Variants in ACCSL observed in about 807,000 individuals in gnomAD.
The protein encoded by ACCSL is 1-aminocyclopropane-1-carboxylate synthase homolog (inactive) like.
Under a neutral mutation model 61.7 loss-of-function variants are expected in ACCSL, and 55 were observed. The ratio of observed to expected loss-of-function variants is 0.89; its 90% CI spans 0.72 to 1.12. The LOEUF is 1.12. Ranked by LOEUF, ACCSL falls within the 50% of genes most tolerant of loss-of-function variation. The pLI is 0.00. For missense variants in ACCSL, 632 were observed against 698.0 expected, an observed-to-expected ratio of 0.91 and a Z score of 1.07; for synonymous variants, 258 against 264.3, an observed-to-expected ratio of 0.98 and a Z score of 0.23.
At chr11:44,053,533 G>A in intron 8 of ACCSL, 27 bp downstream of exon 8, 1 of 1,584,844 alleles carries the variant, frequency 6.3e-7, no homozygotes. Context: ...TTGAGACTAG[G>A]TAATGTTTCT....
the ACCSL span, among the ~76,000 whole-genome samples, chr11:44,012,794 G>A: frequency 1.3e-5 from 2 of 152,092 alleles, no homozygotes; most frequent in African/African-American, 2.4e-5. Flanking sequence ...ATAAGGAAAC[G>A]GCCTAATACA....
chr11:44,039,341 A>T, the ACCSL span, among the ~76,000 whole-genome samples: 1 of 152,152 alleles, frequency 6.6e-6, no homozygotes, highest in Non-Finnish European at 1.5e-5. Flanking sequence ...GAATGAATTA[A>T]TGGCAATCAC....
At chr11:43,938,937 AG>A in the ACCSL span, among the ~76,000 whole-genome samples, 1 of 152,250 alleles carries the variant, frequency 6.6e-6, no homozygotes, top group Non-Finnish European at 1.5e-5. Context: ...GTTTGGCCTA[AG>A]AGACAGGCTT....
chr11:43,983,908 G>C, the ACCSL span, among the ~76,000 whole-genome samples: 1 of 152,156 alleles, frequency 6.6e-6, no homozygotes, highest in African/African-American at 2.4e-5. Flanking sequence ...TTGAGGTCAG[G>C]AGTTCAAGAC....
At chr11:43,924,294 G>A in the ACCSL span, among the ~76,000 whole-genome samples, 6 of 152,256 alleles carry the variant, frequency 3.9e-5, no homozygotes, top group Non-Finnish European at 7.3e-5. Flanking sequence ...TAGCCCAGCC[G>A]TGCCTGCTGC....
At chr11:44,015,019 A>G in the ACCSL span, among the ~76,000 whole-genome samples, 1 of 152,202 alleles carries the variant, frequency 6.6e-6, no homozygotes, top group African/African-American at 2.4e-5. Flanking sequence ...CCAGGAGCCA[A>G]TGGCACTGTC....
chr11:43,930,231 G>A, the ACCSL span, among the ~76,000 whole-genome samples: 1 of 152,172 alleles, frequency 6.6e-6, no homozygotes, highest in African/African-American at 2.4e-5. Context: ...CCTGTGTCCT[G>A]GCATAGAACA....
In ACCSL at chr11:44,048,134, C is replaced by T. The variant is rs377118963; in HGVS notation, c.98C>T (p.Thr33Met). ...HSIYTQLLEITLHLQQAMTEH... is the reference protein window; with the variant it reads ...HSIYTQLLEIMLHLQQAMTEH... Reference sequence around the variant, plus strand: ...ATCTATACCCAGCTGTTGGAGATAACGCTGCACTTGCAGCAGGCCATGACG... The same window carrying T: ...ATCTATACCCAGCTGTTGGAGATAATGCTGCACTTGCAGCAGGCCATGACG... The change falls in exon 1 of 14, where the codon ACG (threonine) becomes ATG (methionine). Residue 33 changes from threonine to methionine, a missense_variant. By Grantham distance (81) the Thr-to-Met change is moderately conservative. Transcript: ENST00000378832. The T allele has an allele frequency of 4.4e-5, 71 of 1,614,076 alleles. No individual in the cohort carries two copies. Among genetic ancestry groups the T allele is most frequent in the South Asian group, 2.2e-4 (20 of 91,094 alleles).
At chr11:43,937,193 G>T in the ACCSL span, among the ~76,000 whole-genome samples, 3 of 152,332 alleles carry the variant, frequency 2.0e-5, no homozygotes, top group African/African-American at 7.2e-5. Flanking sequence ...ATGCCACAGG[G>T]ACCTCTGCAT....
chr11:44,018,040 G>A, the ACCSL span, among the ~76,000 whole-genome samples: 1 of 152,110 alleles, frequency 6.6e-6, no homozygotes, highest in African/African-American at 2.4e-5. Flanking sequence ...GCTTTGTGAA[G>A]TACACAGGAG....
At chr11:43,952,485 G>A in the ACCSL span, among the ~76,000 whole-genome samples, 3 of 152,142 alleles carry the variant, frequency 2.0e-5, no homozygotes, top group Non-Finnish European at 4.4e-5. Context: ...GTTAAATATC[G>A]TCCCCTGACC....
At chr11:44,043,025 T>C (rs1331599148), upstream of ACCSL, among the ~76,000 whole-genome samples, 1 of 151,696 alleles carries the variant, frequency 6.6e-6, no homozygotes, top group Non-Finnish European at 1.5e-5. Flanking sequence ...TGAAGCTGCA[T>C]TGAGCTCTGA....
At chr11:44,031,817 C>T in the ACCSL span, among the ~76,000 whole-genome samples, 2 of 152,082 alleles carry the variant, frequency 1.3e-5, no homozygotes, top group Non-Finnish European at 2.9e-5. Context: ...CTGGAGAAGA[C>T]ACAGCCTTAG....
the ACCSL span, among the ~76,000 whole-genome samples, chr11:43,983,761 A>C: frequency 1.4e-5 from 2 of 146,356 alleles, no homozygotes; most frequent in Admixed American, 1.4e-4. Context: ...GGGTGGAGGC[A>C]TGGTGGTGGG....
the ACCSL span, among the ~76,000 whole-genome samples, chr11:44,032,212 TG>T: frequency 6.8e-3 from 1,032 of 152,318 alleles, 4 homozygotes; most frequent in Non-Finnish European, 0.011. Flanking sequence ...GGTGCTTTGC[TG>T]GGGCTGGGAT....
At chr11:44,028,621 G>A in the ACCSL span, among the ~76,000 whole-genome samples, 355 of 152,242 alleles carry the variant, frequency 2.3e-3, no homozygotes, top group African/African-American at 8.2e-3. Flanking sequence ...AGAGTGTGTG[G>A]CACAGGGAGC....
the ACCSL span, among the ~76,000 whole-genome samples, chr11:43,976,879 C>T: frequency 6.6e-6 from 1 of 152,144 alleles, no homozygotes; most frequent in Non-Finnish European, 1.5e-5. Context: ...CATAGGCACA[C>T]ACTTCTGTAA....
the ACCSL span, among the ~76,000 whole-genome samples, chr11:43,942,031 C>CGTGTGT: frequency 3.3e-4 from 38 of 114,544 alleles, no homozygotes; most frequent in East Asian, 5.2e-3. Flanking sequence ...TGTTTGCATT[C>CGTGTGT]GTGCGTGTGT....
intron 4 of ACCSL, 92 bp downstream of exon 4, chr11:44,051,496 A>G: frequency 6.4e-7 from 1 of 1,561,310 alleles, no homozygotes; most frequent in Non-Finnish European, 8.8e-7. Flanking sequence ...AAGGAGAACC[A>G]GTGAAGACTC....
Sources: gnomAD v4.1 joint callset for allele counts (sites outside exome capture counted in the v4.1 genomes callset) on GRCh38, gnomAD v4.1.1 for gene constraint, MANE v1.5 for transcripts, NCBI Gene and HGNC (gene_info 2026-07-23, HGNC 2026-07-21) for gene names.